Variants in NDRG3 observed in about 807,000 individuals in gnomAD.
The protein encoded by NDRG3 is NDRG family member 3.
A neutral mutation model predicts 57.2 loss-of-function variants in NDRG3; 23 were observed. The ratio of observed to expected loss-of-function variants is 0.40; its 90% CI spans 0.29 to 0.57. The LOEUF is 0.57. NDRG3 is among the 20% of genes least tolerant of loss of function. The pLI is 0.42. For synonymous variants in NDRG3, 132 were observed against 162.6 expected (o/e 0.81, Z 1.43); for missense variants, 384 against 457.3 (o/e 0.84, Z 1.46).
intron 8 of NDRG3, among the ~76,000 whole-genome samples, chr20:36,674,924 G>C (rs1181777242): frequency 4.5e-5 from 6 of 132,278 alleles, no homozygotes; most frequent in African/African-American, 1.8e-4. Flanking sequence ...TTTGAGACAG[G>C]GTCTCTGTCA....
intron 13 of NDRG3, among the ~76,000 whole-genome samples, chr20:36,657,476 C>G (rs1388753485): frequency 6.7e-6 from 1 of 148,702 alleles, no homozygotes; most frequent in Non-Finnish European, 1.5e-5. Context: ...CGACAGAGTC[C>G]GTCTCCAGGA....
At chr20:36,710,332 TAAAC>T (rs1983792189) in intron 2 of NDRG3, among the ~76,000 whole-genome samples, 1 of 151,362 alleles carries the variant, frequency 6.6e-6, no homozygotes, top group South Asian at 2.1e-4. Flanking sequence ...CATAAATAAA[TAAAC>T]AAATAAAAGA....
chr20:36,730,233 C>T (rs1233483949), intron 1 of NDRG3, among the ~76,000 whole-genome samples: 3 of 146,242 alleles, frequency 2.1e-5, no homozygotes, highest in African/African-American at 7.6e-5. Context: ...GGCGACAGAG[C>T]GAGACTCTGT....
intron 5 of NDRG3, among the ~76,000 whole-genome samples, chr20:36,686,508 G>A (rs1239587997): frequency 6.6e-6 from 1 of 152,200 alleles, no homozygotes; most frequent in Non-Finnish European, 1.5e-5. Context: ...AGCAGTCACT[G>A]GCCAAAGGCA....
intron 1 of NDRG3, among the ~76,000 whole-genome samples, chr20:36,727,338 GCCTCC>G (rs1984998309): frequency 6.6e-6 from 1 of 151,996 alleles, no homozygotes; most frequent in African/African-American, 2.4e-5. Context: ...TCCTGCCTCA[GCCTCC>G]CGAGTAGCTG....
At position 36,716,244 on chromosome 20, in the gene NDRG3, C is replaced by A. The variant is rs188345103; in HGVS notation, c.57+5435G>T. On this transcript the variant is annotated intron_variant, in intron 2 of 15. Transcript: ENST00000349004. ...ACTTAAACTGCAGTAAGATTTACCT[C>A]ACTTTCAGGTGGGTGCGGTGGCTCA... Among the ~76,000 whole-genome samples, 34 of 151,062 alleles carry A rather than the reference C, an allele frequency of 2.3e-4. No individual in the cohort carries two copies. The East Asian group carries it at 3.4e-3, about 15-fold the overall frequency.
intron 1 of NDRG3, among the ~76,000 whole-genome samples, chr20:36,730,643 T>G (rs1199864307): frequency 6.6e-6 from 1 of 150,622 alleles, no homozygotes; most frequent in Admixed American, 6.6e-5. Flanking sequence ...GGATATAAAG[T>G]TGGTAAAAAT....
At chr20:36,699,710 G>C (rs1033886408) in intron 3 of NDRG3, among the ~76,000 whole-genome samples, 1 of 152,052 alleles carries the variant, frequency 6.6e-6, no homozygotes, top group African/African-American at 2.4e-5. Flanking sequence ...GTGTGTGTGT[G>C]TGTGGGTACA....
intron 2 of NDRG3, among the ~76,000 whole-genome samples, chr20:36,708,332 C>A (rs932308251): frequency 6.6e-6 from 1 of 152,082 alleles, no homozygotes; most frequent in African/African-American, 2.4e-5. Flanking sequence ...AGTCCCATCT[C>A]CCTTCAAGAT....
chr20:36,729,878 C>T (rs1436541956), intron 1 of NDRG3, among the ~76,000 whole-genome samples: 1 of 152,102 alleles, frequency 6.6e-6, no homozygotes, highest in Non-Finnish European at 1.5e-5. Flanking sequence ...TAAAGGAAGA[C>T]TCCATTAATT....
chr20:36,730,165 T>G (rs1212683269), intron 1 of NDRG3, among the ~76,000 whole-genome samples: 1 of 150,822 alleles, frequency 6.6e-6, no homozygotes, highest in African/African-American at 2.4e-5. Flanking sequence ...GAGACGCGCT[T>G]GAACCTGGGA....
chr20:36,674,888 T>A (rs1296301226), intron 8 of NDRG3, among the ~76,000 whole-genome samples: 2 of 20,920 alleles, frequency 9.6e-5, no homozygotes, highest in African/African-American at 5.3e-4. Flanking sequence ...CCAGCCAGAT[T>A]TTTTTTTTTT....
intron 1 of NDRG3, among the ~76,000 whole-genome samples, chr20:36,738,577 C>T (rs1370198902): frequency 1.3e-5 from 2 of 151,614 alleles, no homozygotes; most frequent in Non-Finnish European, 2.9e-5. Context: ...AATCCCAACA[C>T]TTTGGGAGGC....
chr20:36,732,322 TGA>T (rs1985335389), intron 1 of NDRG3, among the ~76,000 whole-genome samples: 1 of 152,158 alleles, frequency 6.6e-6, no homozygotes, highest in South Asian at 2.1e-4. Context: ...GAAGTGGTGG[TGA>T]GACCACTAGG....
chr20:36,689,717 A>AT lies in NDRG3; in HGVS notation c.94-934dup, dbSNP rs11366908. 1.1e-3 allele frequency among the ~76,000 whole-genome samples: 104 copies of AT among 97,180 alleles called. 1 individual carries two copies. The highest frequency in any genetic ancestry group is 4.7e-3 in the East Asian group (17 of 3,602). 63.8% of individuals were successfully genotyped at this position (97,180 alleles called of 152,430 possible). ...AGCACCTTTCCCTTGGAACTAAGAG[A>AT]TTTTTTTTTTTTTTTTTTTTTGAGA... is the stretch of plus-strand genomic sequence containing the variant. On this transcript the variant is annotated intron_variant, in intron 3 of 15. Transcript: ENST00000349004.
At chr20:36,729,896 G>A (rs1231460147) in intron 1 of NDRG3, among the ~76,000 whole-genome samples, 2 of 152,024 alleles carry the variant, frequency 1.3e-5, no homozygotes, top group Admixed American at 6.6e-5. Flanking sequence ...ATTTGATTTC[G>A]TCCTGCCTTC....
At chr20:36,711,929 G>A (rs1386527841) in intron 2 of NDRG3, among the ~76,000 whole-genome samples, 2 of 152,100 alleles carry the variant, frequency 1.3e-5, no homozygotes, top group South Asian at 2.1e-4. Context: ...ATAGGCACCC[G>A]CCACTGCGCC....
At chr20:36,733,177 T>A (rs1342782085) in intron 1 of NDRG3, among the ~76,000 whole-genome samples, 78 of 39,516 alleles carry the variant, frequency 2.0e-3, no homozygotes, top group Admixed American at 2.2e-3. Context: ...AAAAAATATA[T>A]ATATATATAT....
At chr20:36,668,956 G>A (rs2148051618) in intron 9 of NDRG3, among the ~76,000 whole-genome samples, 1 of 151,920 alleles carries the variant, frequency 6.6e-6, no homozygotes, top group Non-Finnish European at 1.5e-5. Context: ...TTGCTATGTT[G>A]CCCAGGCTGG....
Sources: gnomAD v4.1 joint callset for allele counts (sites outside exome capture counted in the v4.1 genomes callset) on GRCh38, gnomAD v4.1.1 for gene constraint, MANE v1.5 for transcripts, NCBI Gene and HGNC (gene_info 2026-07-23, HGNC 2026-07-21) for gene names.